The following HECW1 variants were observed in gnomAD, a reference collection of about 807,000 sequenced individuals.
The protein encoded by HECW1 is HECT, C2 and WW domain containing E3 ubiquitin protein ligase 1.
Under a neutral mutation model 182.3 loss-of-function variants are expected in HECW1, and 61 were observed. The observed-to-expected ratio is 0.33, with a 90% CI of 0.27 to 0.41. The LOEUF (loss-of-function observed/expected upper bound fraction) is 0.41. Ranked by LOEUF, HECW1 falls within the 10% of genes least tolerant of loss-of-function variation. The pLI, the probability that HECW1 is intolerant of heterozygous loss-of-function variation, is 1.00. For missense variants in HECW1, 1,739 were observed against 2,108.9 expected (o/e 0.82, Z 3.44); for synonymous variants, 859 against 832.6 (o/e 1.03, Z -0.55).
intron 5 of HECW1, among the ~76,000 whole-genome samples, chr7:43,335,849 C>G (rs908595709): frequency 6.7e-6 from 1 of 149,370 alleles, no homozygotes; most frequent in African/African-American, 2.5e-5. Context: ...GACTCCCTTT[C>G]TCCCTTCATC....
chr7:43,557,641 G>C (rs576772906), intron 29 of HECW1, among the ~76,000 whole-genome samples: 9 of 152,318 alleles, frequency 5.9e-5, no homozygotes, highest in Admixed American at 3.9e-4. Flanking sequence ...CTTCAGCAAA[G>C]TGCCAGATAA....
intron 3 of HECW1, among the ~76,000 whole-genome samples, chr7:43,289,167 C>A (rs919605400): frequency 6.6e-6 from 1 of 150,494 alleles, no homozygotes; most frequent in East Asian, 2.0e-4. Flanking sequence ...AGTGCAGTGG[C>A]GTGATCTCAG....
intron 4 of HECW1, among the ~76,000 whole-genome samples, chr7:43,312,455 T>C (rs1188830638): frequency 2.6e-5 from 4 of 152,226 alleles, no homozygotes; most frequent in Admixed American, 2.6e-4. Flanking sequence ...CCAATGTATG[T>C]AGAGGTAATT....
chr7:43,355,232 T>A (rs569052206), intron 5 of HECW1, among the ~76,000 whole-genome samples: 30 of 152,158 alleles, frequency 2.0e-4, no homozygotes, highest in Non-Finnish European at 1.6e-4. Context: ...AAGGAAACGT[T>A]TGAAGATATA....
chr7:43,368,227 C>T lies in HECW1; in HGVS notation c.555+7247C>T, dbSNP rs1359055419. 3.9e-5 allele frequency among the ~76,000 whole-genome samples: 6 copies of T among 152,278 alleles called. 1 individual carries two copies. The highest frequency in any genetic ancestry group is 6.8e-3 in the Middle Eastern group (2 of 294). On this transcript the variant is annotated intron_variant, in intron 6 of 29. Transcript: ENST00000395891. ...AAACAGGCAATGACAGAGCACTATTCCATGCCTCTGGAGGTGGACAATATA... is the reference window on the plus strand; with the variant it reads ...AAACAGGCAATGACAGAGCACTATTTCATGCCTCTGGAGGTGGACAATATA...
intron 7 of HECW1, among the ~76,000 whole-genome samples, chr7:43,405,311 T>C (rs1310825428): frequency 6.6e-6 from 1 of 152,152 alleles, no homozygotes; most frequent in Non-Finnish European, 1.5e-5. Context: ...CACCCCTAGG[T>C]TCAACAATTT....
intron 12 of HECW1, among the ~76,000 whole-genome samples, chr7:43,455,581 G>A (rs2152887975): frequency 6.6e-6 from 1 of 152,330 alleles, no homozygotes; most frequent in African/African-American, 2.4e-5. Flanking sequence ...ATCTTCCACA[G>A]CTGTCGTTTG....
chr7:43,545,415 T>G (rs2081519946), intron 26 of HECW1, among the ~76,000 whole-genome samples: 1 of 152,156 alleles, frequency 6.6e-6, no homozygotes, highest in African/African-American at 2.4e-5. Context: ...GAAAAAAAGC[T>G]TAAATGTTCC....
At chr7:43,381,488 ATTT>A (rs34238162) in intron 6 of HECW1, among the ~76,000 whole-genome samples, 9 of 135,010 alleles carry the variant, frequency 6.7e-5, no homozygotes, top group African/African-American at 1.7e-4. Context: ...TGCATGGCTA[ATTT>A]TTTTTTTTTT....
intron 2 of HECW1, among the ~76,000 whole-genome samples, chr7:43,126,284 T>A (rs1422400285): frequency 6.6e-6 from 1 of 152,108 alleles, no homozygotes; most frequent in African/African-American, 2.4e-5. Context: ...AATTCCTCTC[T>A]TTACTTGATT....
intron 21 of HECW1, among the ~76,000 whole-genome samples, chr7:43,506,245 T>C (rs896239488): frequency 6.6e-6 from 1 of 152,214 alleles, no homozygotes; most frequent in Non-Finnish European, 1.5e-5. Flanking sequence ...AGGAACATGA[T>C]GGACACATGT....
chr7:43,547,982 ACAG>A (rs2081631725), intron 26 of HECW1, among the ~76,000 whole-genome samples: 1 of 152,244 alleles, frequency 6.6e-6, no homozygotes, highest in South Asian at 2.1e-4. Flanking sequence ...ATCGCAAAAA[ACAG>A]CAGGAGGTGA....
At position 43,160,714 on chromosome 7, in the gene HECW1, T is replaced by C. The variant is rs139919414; in HGVS notation, c.-32+46323T>C. Among the ~76,000 whole-genome samples the C allele has an allele frequency of 6.6e-3, 1,000 of 152,252 alleles. 7 individuals carry two copies. Among genetic ancestry groups the C allele is most frequent in the African/African-American group, 0.021 (876 of 41,568 alleles). On this transcript the variant is annotated intron_variant, in intron 2 of 29. Transcript: ENST00000395891. ...AATTCATCTCATTAATTTTCTTTTT[T>C]TCAAAATTTCTTTAGCAATTATGAT...
intron 12 of HECW1, among the ~76,000 whole-genome samples, chr7:43,452,411 A>G (rs993728658): frequency 2.0e-5 from 3 of 152,236 alleles, no homozygotes; most frequent in Non-Finnish European, 2.9e-5. Context: ...CAATAATGAG[A>G]ACAAATTTCT....
At position 43,396,858 on chromosome 7, in the gene HECW1, A is replaced by C. The variant is rs2075248925; in HGVS notation, c.600A>C (p.Gly200=). The C allele has an allele frequency of 6.2e-7, 1 of 1,612,994 alleles. No individual in the cohort carries two copies. The highest frequency in any genetic ancestry group is 8.5e-7 in the Non-Finnish European group (1 of 1,179,750). The change falls in exon 7 of 30, where the codon GGA becomes GGC. Residue 200 remains glycine, a synonymous_variant. Transcript: ENST00000395891. ...CTGATGAGACCGTCCAAGGACAAGG[A>C]AGTCGGAGGCTGATCAGCTTCTCTC... is the stretch of plus-strand genomic sequence containing the variant. The part of the protein sequence containing the change: ...IGADETVQGQ[G]SRRLISFSLS...
chr7:43,562,162 A>G lies in HECW1; in HGVS notation c.*236A>G, dbSNP rs919343768. 4.3e-6 allele frequency: 2 copies of G among 460,520 alleles called. No individual in the cohort carries two copies. The highest frequency in any genetic ancestry group is 7.8e-6 in the Non-Finnish European group (2 of 255,744). The allele number at this position is 460,520 out of a possible 1,614,324, so 28.5% of individuals were successfully genotyped here. On this transcript the variant is annotated 3_prime_UTR_variant, in exon 30 of 30. Coordinates refer to ENST00000395891, the MANE Select transcript of HECW1 (RefSeq NM_015052.5). ...GAACTGCTAGCCTGTATGCAATATT[A>G]AAAAACAGCTGTCTCAAGGTCTGTG... is the stretch of plus-strand genomic sequence containing the variant.
intron 2 of HECW1, among the ~76,000 whole-genome samples, chr7:43,173,372 A>G (rs577096034): frequency 6.6e-6 from 1 of 152,300 alleles, no homozygotes; most frequent in South Asian, 2.1e-4. Context: ...TCCAGTGACC[A>G]TGTGTTGCCT....
chr7:43,298,797 C>T (rs1195051629), intron 3 of HECW1, among the ~76,000 whole-genome samples: 2 of 152,194 alleles, frequency 1.3e-5, no homozygotes, highest in African/African-American at 2.4e-5. Context: ...GTCTCCGTTG[C>T]CACCACTTAC....
At chr7:43,452,077 T>C (rs1483707270) in intron 12 of HECW1, among the ~76,000 whole-genome samples, 1 of 152,222 alleles carries the variant, frequency 6.6e-6, no homozygotes, top group African/African-American at 2.4e-5. Flanking sequence ...CAATATTTGT[T>C]TTTCAAGGGC....
Sources: allele counts gnomAD v4.1 joint callset (sites outside exome capture counted in the v4.1 genomes callset), GRCh38; gene constraint gnomAD v4.1.1; transcripts MANE v1.5; gene names NCBI Gene and HGNC (gene_info 2026-07-23, HGNC 2026-07-21).